ACSL6: variants seen among roughly 807,000 people sequenced by gnomAD.
ACSL6 encodes acyl-CoA synthetase long chain family member 6.
Under a neutral mutation model 98.2 loss-of-function variants are expected in ACSL6, and 47 were observed. That is an observed-to-expected ratio of 0.48 (90% CI 0.38 to 0.61). The LOEUF (loss-of-function observed/expected upper bound fraction) is 0.61. ACSL6 is among the 20% of genes least tolerant of loss of function. The pLI, the probability that ACSL6 is intolerant of heterozygous loss-of-function variation, is 0.00. For missense variants in ACSL6, 761 were observed against 913.4 expected (o/e 0.83, Z 2.15); for synonymous variants, 362 against 336.9 (o/e 1.07, Z -0.82).
At chr5:131,988,008 C>T (rs1754288409) in intron 7 of ACSL6, 40 bp downstream of exon 7, 2 of 1,603,198 alleles carry the variant, frequency 1.2e-6, no homozygotes, top group East Asian at 4.5e-5. Flanking sequence ...GGTGACCAGC[C>T]AGCAGTAGCC....
chr5:131,973,332 G>A lies in ACSL6; in HGVS notation c.1137C>T (p.Asp379=). 6.2e-7 allele frequency: 1 copy of A among 1,614,178 alleles called. No homozygotes were observed. The highest frequency in any genetic ancestry group is 8.5e-7 in the Non-Finnish European group (1 of 1,179,990). Residue 379 remains aspartate (D), a synonymous_variant, in exon 12 of 21, where the codon GAC becomes GAT. Transcript: ENST00000651883. ...AGATGGTGGGGCATAGAGCCTTCAT[G>A]TCATCTGAGAGAAGGCGGATATCTC... ...FQGDIRLLSD[D]MKALCPTIFP... is the part of the protein sequence containing the mutation.
intron 1 of ACSL6, among the ~76,000 whole-genome samples, chr5:132,005,740 G>C (rs984835735): frequency 6.6e-6 from 1 of 152,204 alleles, no homozygotes; most frequent in South Asian, 2.1e-4. Context: ...GAGTTGGAGG[G>C]AAAAGCAGAG....
At chr5:131,992,608 C>T (rs1331176652) in intron 2 of ACSL6, among the ~76,000 whole-genome samples, 1 of 152,214 alleles carries the variant, frequency 6.6e-6, no homozygotes, top group Non-Finnish European at 1.5e-5. Context: ...AGGGTCATCC[C>T]TCTCACCATT....
At position 131,962,581 on chromosome 5, in the gene ACSL6, C is replaced by T. The variant is rs1390562042; in HGVS notation, c.1811G>A (p.Arg604Gln). Residue 604 changes from arginine to glutamine, a missense_variant, in exon 18 of 21, where the codon CGG (arginine) becomes CAG (glutamine). Transcript: ENST00000651883. ...ATAGATTTGCGCCACAGGTTGGCTC[C>T]GGATGTAGATGTTCTCAATCTTCTC... is the stretch of plus-strand genomic sequence containing the variant. ...APEKIENIYI[R>Q]SQPVAQIYVH... The T allele has an allele frequency of 5.6e-6, 9 of 1,613,906 alleles. No individual in the cohort carries two copies. The highest frequency in any genetic ancestry group is 1.3e-5 in the African/African-American group (1 of 74,852).
chr5:132,012,038 G>T (rs2126985492), upstream of ACSL6: 2 of 1,365,644 alleles, frequency 1.5e-6, no homozygotes, highest in Non-Finnish European at 9.8e-7. Flanking sequence ...GCGACTCGCA[G>T]CCTGGGTTTT....
At position 131,986,845 on chromosome 5, in the gene ACSL6, G is replaced by C. The variant is rs1399194166; in HGVS notation, c.841C>G (p.Gln281Glu). The change falls in exon 8 of 21, where the codon CAA becomes GAA. Residue 281 changes from glutamine (Q) to glutamate (E), a missense_variant. By Grantham distance (29) the Gln-to-Glu change is conservative. Transcript: ENST00000651883. Reference sequence around the variant, plus strand: ...ACCACAGGAGCCTGGTGATTCTCTTGGCCACAGTCCTGAAAGAAGAAAATG... The same window carrying C: ...ACCACAGGAGCCTGGTGATTCTCTTCGCCACAGTCCTGAAAGAAGAAAATG... ...KSMQAVEDCG[Q>E]ENHQAPVPPQ... is the part of the protein sequence containing the mutation. 6.2e-7 allele frequency: 1 copy of C among 1,614,100 alleles called. No individual in the cohort carries two copies. The highest frequency in any genetic ancestry group is 1.3e-5 in the African/African-American group (1 of 75,010).
intron 9 of ACSL6, chr5:131,981,712 T>C (rs1336551035): frequency 6.6e-6 from 1 of 152,266 alleles, no homozygotes; most frequent in East Asian, 1.9e-4. Flanking sequence ...AGTGTTGCTA[T>C]GAACATGATG....
At chr5:131,974,533 G>T (rs1014193043) in intron 11 of ACSL6, among the ~76,000 whole-genome samples, 15 of 152,238 alleles carry the variant, frequency 9.9e-5, no homozygotes, top group Admixed American at 9.2e-4. Flanking sequence ...TCTCTCAGCT[G>T]AGTGTGTCCA....
chr5:131,973,280 G>T lies in ACSL6; in HGVS notation c.1189C>A (p.Arg397=), dbSNP rs761010901. 1 of 1,614,070 alleles carries T rather than the reference G, an allele frequency of 6.2e-7. No homozygotes were observed. Among genetic ancestry groups the T allele is most frequent in the African/African-American group, 1.3e-5 (1 of 75,052 alleles). Residue 397 remains arginine (R), a synonymous_variant, in exon 12 of 21, where the codon CGG becomes AGG. Coordinates refer to ENST00000651883, the MANE Select transcript of ACSL6 (RefSeq NM_001009185.3). ...IFPVVPRLLN[R]MYDKIFSQAN... is the part of the protein sequence containing the mutation. ...GCAGAACTTACCTTGTCGTACATCC[G>T]GTTCAGCAGTCGTGGGACCACAGGG...
At chr5:131,985,526 G>A (rs1321950886) in intron 8 of ACSL6, 68 bp from the exon 9 acceptor site, 10 of 1,571,822 alleles carry the variant, frequency 6.4e-6, no homozygotes, top group African/African-American at 1.3e-5. Flanking sequence ...AAGATGCCTG[G>A]GCTCCCCAAC....
chr5:131,966,332 G>A, intron 17 of ACSL6, 84 bp downstream of exon 17: 3 of 1,341,076 alleles, frequency 2.2e-6, no homozygotes, highest in Non-Finnish European at 3.2e-6. Flanking sequence ...GGGGGATTTG[G>A]AGAAGACTCC....
chr5:132,011,795 G>C, upstream of ACSL6: 1 of 1,369,878 alleles, frequency 7.3e-7, no homozygotes, highest in Non-Finnish European at 9.5e-7. The surrounding 1 kb of genome is among the most constrained non-coding windows in gnomAD (Gnocchi z 5.4). Context: ...CTGGCCGGCC[G>C]GGTCTGGGGC....
At chr5:131,962,441 G>A in intron 18 of ACSL6, 94 bp downstream of exon 18, 1 of 1,406,244 alleles carries the variant, frequency 7.1e-7, no homozygotes, top group Admixed American at 2.3e-5. Context: ...AAAATGCGGA[G>A]GAGAATCCTG....
chr5:132,003,096 A>G (rs1255781373), intron 1 of ACSL6, among the ~76,000 whole-genome samples: 1 of 152,214 alleles, frequency 6.6e-6, no homozygotes, highest in African/African-American at 2.4e-5. Flanking sequence ...CAAGACAAAA[A>G]GAGTTTTGCC....
chr5:131,995,125 C>T lies in ACSL6; in HGVS notation c.50-874G>A, dbSNP rs567733133. ...GCAGCCAGGGAGCCACCCTCACCCA[C>T]TACAGCCCAAGTGGGTACAGTGGGC... On this transcript the variant is annotated intron_variant, in intron 1 of 20. Coordinates refer to ENST00000651883, the MANE Select transcript of ACSL6 (RefSeq NM_001009185.3). Among the ~76,000 whole-genome samples the T allele has an allele frequency of 1.9e-4, 29 of 152,304 alleles. No homozygotes were observed. The South Asian group carries it at 6.0e-3, about 32-fold the overall frequency.
At chr5:131,974,836 C>T (rs781450524) in intron 11 of ACSL6, 57 bp downstream of exon 11, 2 of 1,613,600 alleles carry the variant, frequency 1.2e-6, no homozygotes, top group Non-Finnish European at 1.7e-6. Flanking sequence ...CCCACTGACT[C>T]TGTAAGAAAA....
At chr5:131,972,594 G>T in intron 13 of ACSL6, 130 bp downstream of exon 13, 2 of 1,146,208 alleles carry the variant, frequency 1.7e-6, no homozygotes, top group East Asian at 2.4e-5. Context: ...CTTAAGCTTT[G>T]ATTTCATGAG....
intron 2 of ACSL6, 131 bp from the exon 3 acceptor site, chr5:131,991,098 G>A (rs2126904287): frequency 2.9e-6 from 2 of 701,654 alleles, no homozygotes; most frequent in East Asian, 2.7e-5. Context: ...CGTGGCATCT[G>A]TGTGCCCGCG....
At chr5:131,976,558 G>T (rs77095018) in intron 10 of ACSL6, 90 bp downstream of exon 10, 9 of 1,135,160 alleles carry the variant, frequency 7.9e-6, no homozygotes, top group Non-Finnish European at 1.0e-5. Flanking sequence ...AAAAAAAAAA[G>T]AAAAAGAAAA....
Sources: gnomAD v4.1 joint callset for allele counts (sites outside exome capture counted in the v4.1 genomes callset) on GRCh38, gnomAD v4.1.1 for gene constraint, Gnocchi (gnomAD v3.1) non-coding constraint, MANE v1.5 for transcripts, NCBI Gene and HGNC (gene_info 2026-07-23, HGNC 2026-07-21) for gene names.